The following CSNK1G1 variants were observed in gnomAD, a reference collection of about 807,000 sequenced individuals.
CSNK1G1 encodes casein kinase 1 gamma 1, also known as casein kinase I isoform gamma-1.
In CSNK1G1, 22 loss-of-function variants were observed where a neutral mutation model predicts 59.6. That is an observed-to-expected ratio of 0.37 (90% CI 0.26 to 0.53). The LOEUF (loss-of-function observed/expected upper bound fraction) is 0.53. CSNK1G1 is among the 20% of genes least tolerant of loss of function. The probability of loss-of-function intolerance (pLI) is 0.89; values close to 1 mark genes in which losing one functional copy is unlikely to be tolerated. For missense variants in CSNK1G1, 384 were observed against 519.5 expected (o/e 0.74, Z 2.54); for synonymous variants, 179 against 177.1 (o/e 1.01, Z -0.08).
chr15:64,184,538 G>T (rs1316220653), intron 10 of CSNK1G1, among the ~76,000 whole-genome samples: 1 of 150,290 alleles, frequency 6.7e-6, no homozygotes, highest in East Asian at 2.0e-4. Flanking sequence ...TCAGCTGGGC[G>T]TGGTGGCGGG....
rs779864817 is a variant in CSNK1G1 at position 64,216,667 on chromosome 15, A to G, written c.339T>C (p.Tyr113=). 7 of 1,613,980 alleles carry G rather than the reference A, an allele frequency of 4.3e-6. No homozygotes were observed. Among genetic ancestry groups the G allele is most frequent in the African/African-American group, 1.3e-5 (1 of 74,930 alleles). The change falls in exon 5 of 12, where the codon TAT becomes TAC. Residue 113 remains tyrosine (Y), a synonymous_variant. Coordinates refer to ENST00000303052, the MANE Select transcript of CSNK1G1 (RefSeq NM_022048.5). The surrounding 1 kb of genome is among the most constrained non-coding windows in gnomAD (Gnocchi z 4.6). The part of the protein sequence containing the change: ...QVYYFGPCGK[Y]NAMVLELLGP... ...CAAGGAGCTCCAGCACCATGGCATT[A>G]TATTTCCCACATGGTCCAAAGTAAT...
At chr15:64,175,780 C>G (rs2081734437) in intron 11 of CSNK1G1, among the ~76,000 whole-genome samples, 1 of 152,200 alleles carries the variant, frequency 6.6e-6, no homozygotes, top group South Asian at 2.1e-4. Flanking sequence ...GAGGGAAGAG[C>G]CAGCTGAATC....
At position 64,214,150 on chromosome 15, in the gene CSNK1G1, G is replaced by A. The variant is rs116345211; in HGVS notation, c.445-26C>T. ...CTGAAAGAGAAACAAATGATAGAAAGACTGTAAAGAAGTATATCAGGAAAA... is the reference window on the plus strand; with the variant it reads ...CTGAAAGAGAAACAAATGATAGAAAAACTGTAAAGAAGTATATCAGGAAAA... On this transcript the variant is annotated intron_variant, in intron 5 of 11. Transcript: ENST00000303052. The surrounding 1 kb of genome is among the most constrained non-coding windows in gnomAD (Gnocchi z 4.3). 3.8e-3 allele frequency: 5,708 copies of A among 1,497,156 alleles called. 33 individuals are homozygous for A. Among genetic ancestry groups the A allele is most frequent in the African/African-American group, 0.018 (1,280 of 72,594 alleles). 92.7% of individuals were successfully genotyped at this position (1,497,156 alleles called of 1,614,324 possible). A position where few individuals can be genotyped will look rare whatever the true frequency, so the allele number is the denominator to read the frequency against.
chr15:64,216,992 T>C lies in CSNK1G1; in HGVS notation c.293-279A>G, dbSNP rs1319359346. Among the ~76,000 whole-genome samples the C allele has an allele frequency of 6.6e-6, 1 of 152,216 alleles. No homozygotes were observed. Among genetic ancestry groups the C allele is most frequent in the East Asian group, 1.9e-4 (1 of 5,198 alleles). The stretch of plus-strand genomic sequence containing the variant: ...TCCACTGCTATAAGATAGAGAATGG[T>C]CCCTGATCCATTGGATCTTCCCAAA... On this transcript the variant is annotated intron_variant, in intron 4 of 11. Transcript: ENST00000303052. This position sits in a 1 kb window ranked among gnomAD's most constrained non-coding sequence, Gnocchi z 4.6.
intron 4 of CSNK1G1, among the ~76,000 whole-genome samples, chr15:64,222,436 CCAAAAAAAAAA>C (rs2082401962): frequency 1.7e-5 from 2 of 114,670 alleles, no homozygotes; most frequent in South Asian, 6.2e-4. Flanking sequence ...AACAACACCA[CCAAAAAAAAAA>C]AAAAAAAAAA....
chr15:64,257,698 A>AT (rs1307570469), intron 3 of CSNK1G1, among the ~76,000 whole-genome samples: 1 of 151,942 alleles, frequency 6.6e-6, no homozygotes, highest in Non-Finnish European at 1.5e-5. Context: ...AATTTTTTGT[A>AT]TTTTTTGTAG....
chr15:64,186,359 C>T (rs1025580706), intron 10 of CSNK1G1, among the ~76,000 whole-genome samples: 1 of 152,184 alleles, frequency 6.6e-6, no homozygotes, highest in African/African-American at 2.4e-5. Context: ...GATCTGCTCA[C>T]CTCGGCCTCC....
chr15:64,254,766 T>C (rs549770403), intron 3 of CSNK1G1, among the ~76,000 whole-genome samples: 1 of 152,358 alleles, frequency 6.6e-6, no homozygotes, highest in East Asian at 1.9e-4. Context: ...TAGAATTCTG[T>C]TGACAGTGTG....
At chr15:64,261,941 CAAAA>C (rs34634242) in intron 2 of CSNK1G1, among the ~76,000 whole-genome samples, 11 of 119,386 alleles carry the variant, frequency 9.2e-5, no homozygotes, top group Admixed American at 2.6e-4. Flanking sequence ...GACTCCGTCT[CAAAA>C]AAAAAAAAAA....
At chr15:64,270,312 C>T (rs1893219622) in intron 2 of CSNK1G1, among the ~76,000 whole-genome samples, 1 of 151,758 alleles carries the variant, frequency 6.6e-6, no homozygotes, top group Non-Finnish European at 1.5e-5. Context: ...TGGTTCATCT[C>T]TGATTTTGGT....
intron 1 of CSNK1G1, among the ~76,000 whole-genome samples, chr15:64,341,979 C>T (rs1041923515): frequency 5.9e-5 from 9 of 152,208 alleles, no homozygotes; most frequent in Admixed American, 2.0e-4. Context: ...AAATTTCCAT[C>T]GGTTATTCCT....
rs1470249919 is a variant in CSNK1G1 at position 64,239,900 on chromosome 15, G to GAGA, written c.292+11611_292+11612insTCT. On this transcript the variant is annotated intron_variant, in intron 4 of 11. Transcript: ENST00000303052. ...GACGTAAGCAGAAGAAAGTCTCTGAGCTTGATGAGAGGTCATTTGAAACTA... is the reference window on the plus strand; with the variant it reads ...GACGTAAGCAGAAGAAAGTCTCTGAGAGACTTGATGAGAGGTCATTTGAAACTA... Among the ~76,000 whole-genome samples, 11 of 152,298 alleles carry GAGA rather than the reference G, an allele frequency of 7.2e-5. No individual in the cohort carries two copies. In the East Asian group the frequency reaches 1.9e-3, roughly 27 times the overall value.
In CSNK1G1 at chr15:64,281,073, G is replaced by C. The variant is rs369005166; in HGVS notation, c.181+19246C>G. ...TTTTTGTATTTTTAGTAGAGACGTG[G>C]TTTTACCGTGTTAGCTAGGATGGTC... On this transcript the variant is annotated intron_variant, in intron 2 of 11. Coordinates refer to ENST00000303052, the MANE Select transcript of CSNK1G1 (RefSeq NM_022048.5). 2.3e-4 allele frequency among the ~76,000 whole-genome samples: 35 copies of C among 151,352 alleles called. 1 individual carries two copies. The East Asian group carries it at 2.5e-3, about 11-fold the overall frequency.
At chr15:64,299,316 C>T (rs541406064) in intron 2 of CSNK1G1, among the ~76,000 whole-genome samples, 15 of 151,700 alleles carry the variant, frequency 9.9e-5, no homozygotes, top group South Asian at 6.3e-4. Context: ...TGGCCGGGCG[C>T]GGTGGCTCAC....
chr15:64,194,359 G>A lies in CSNK1G1; in HGVS notation c.1107+8723C>T, dbSNP rs534428596. On this transcript the variant is annotated intron_variant, in intron 10 of 11. Transcript: ENST00000303052. ...TATATCAGCTTTTTTTTTTTTTAAG[G>A]TATTCATTTTATGAAGATAACTGAC... The A allele has an allele frequency of 4.0e-5, 6 of 150,926 alleles. No homozygotes were observed. In the East Asian group the frequency reaches 9.7e-4, roughly 24 times the overall value. The allele number at this position is 150,926 out of a possible 1,614,324, so 9.3% of individuals were successfully genotyped here.
intron 1 of CSNK1G1, among the ~76,000 whole-genome samples, chr15:64,306,528 T>C (rs903254161): frequency 3.9e-5 from 6 of 152,214 alleles, no homozygotes; most frequent in Admixed American, 3.9e-4. Context: ...TCTCATTCAC[T>C]GCTGGTGAGA....
Position 64,168,129 on chromosome 15 carries a change from G to A in CSNK1G1, c.*3802C>T, listed in dbSNP as rs1218878985. ...ACTTGGAGTTCATTTAGAAAAAAGA[G>A]ACAATCAACATGTCTAGAAACCTCA... On this transcript the variant is annotated 3_prime_UTR_variant, in exon 12 of 12. Coordinates refer to ENST00000303052, the MANE Select transcript of CSNK1G1 (RefSeq NM_022048.5). 6.6e-6 allele frequency: 1 copy of A among 152,636 alleles called. No homozygotes were observed. The highest frequency in any genetic ancestry group is 1.9e-4 in the East Asian group (1 of 5,204). The allele number at this position is 152,636 out of a possible 1,614,324, so 9.5% of individuals were successfully genotyped here.
Position 64,286,240 on chromosome 15 carries a change from T to C in CSNK1G1, c.181+14079A>G, listed in dbSNP as rs931485869. Among the ~76,000 whole-genome samples the C allele has an allele frequency of 5.3e-5, 8 of 151,544 alleles. 1 individual carries two copies. The highest frequency in any genetic ancestry group is 1.7e-4 in the African/African-American group (7 of 40,994). On this transcript the variant is annotated intron_variant, in intron 2 of 11. Transcript: ENST00000303052. The stretch of plus-strand genomic sequence containing the variant: ...CCATTTGCCAATTCCAGCAGAGATA[T>C]CACTCTTTCTAAGCTACATTGGAAG...
intron 1 of CSNK1G1, among the ~76,000 whole-genome samples, chr15:64,312,994 C>T (rs1420012884): frequency 6.6e-6 from 1 of 152,108 alleles, no homozygotes; most frequent in African/African-American, 2.4e-5. Context: ...AGCCAACAAA[C>T]ATGAAAAAAT....
Sources: allele counts gnomAD v4.1 joint callset (sites outside exome capture counted in the v4.1 genomes callset), GRCh38; gene constraint gnomAD v4.1.1; non-coding constraint Gnocchi (gnomAD v3.1); transcripts MANE v1.5; gene names NCBI Gene and HGNC (gene_info 2026-07-23, HGNC 2026-07-21).